The following CD247 variants were observed in gnomAD, a reference collection of about 807,000 sequenced individuals.
CD247 encodes CD247 molecule, also known as T-cell surface glycoprotein CD3 zeta chain.
In CD247, 13 loss-of-function variants were observed where a neutral mutation model predicts 30.0. The ratio of observed to expected loss-of-function variants is 0.43; its 90% CI spans 0.28 to 0.69. The LOEUF (loss-of-function observed/expected upper bound fraction) is 0.69, where lower values mean the gene tolerates loss of function less well. CD247 is among the 30% of genes least tolerant of loss of function. The pLI is 0.16. For synonymous variants in CD247, 72 were observed against 80.0 expected (o/e 0.90, Z 0.53); for missense variants, 193 against 212.6 (o/e 0.91, Z 0.57).
At chr1:167,455,654 C>G (rs1256067416) in intron 1 of CD247, among the ~76,000 whole-genome samples, 3 of 152,230 alleles carry the variant, frequency 2.0e-5, no homozygotes, top group Non-Finnish European at 2.9e-5. Context: ...ATCTGAGCTG[C>G]TCACACGCTG....
Position 167,431,300 on chromosome 1 carries a change from CA to C in CD247, c.*380del, listed in dbSNP as rs1651254430. On this transcript the variant is annotated 3_prime_UTR_variant, in exon 8 of 8. Coordinates refer to ENST00000362089, the MANE Select transcript of CD247 (RefSeq NM_198053.3). ...GAAGCCACTCAGACACAGAGTGATA[CA>C]GACATTAGGGCATGTGCTAGCATCT... is the stretch of plus-strand genomic sequence containing the variant. 1.7e-6 allele frequency: 1 copy of C among 573,026 alleles called. No individual in the cohort carries two copies. The highest frequency in any genetic ancestry group is 1.9e-5 in the African/African-American group (1 of 53,616). The allele number at this position is 573,026 out of a possible 1,614,324, so 35.5% of individuals were successfully genotyped here. A position where few individuals can be genotyped will look rare whatever the true frequency, so the allele number is the denominator to read the frequency against.
chr1:167,511,778 C>T (rs767437794), intron 1 of CD247, among the ~76,000 whole-genome samples: 15 of 151,996 alleles, frequency 9.9e-5, no homozygotes, highest in Non-Finnish European at 1.9e-4. Context: ...AGACCCTGTA[C>T]GAGGGCCCCG....
At chr1:167,435,670 C>T (rs566983128) in intron 4 of CD247, among the ~76,000 whole-genome samples, 75 of 152,378 alleles carry the variant, frequency 4.9e-4, no homozygotes, top group African/African-American at 1.8e-3. Flanking sequence ...CAGAGGGGCC[C>T]ACCCAAGCCC....
At chr1:167,464,619 C>G (rs1327585702) in intron 1 of CD247, among the ~76,000 whole-genome samples, 1 of 152,178 alleles carries the variant, frequency 6.6e-6, no homozygotes, top group Non-Finnish European at 1.5e-5. Context: ...CTATTTTTAT[C>G]TTTCTCAGCC....
intron 1 of CD247, among the ~76,000 whole-genome samples, chr1:167,483,209 T>C (rs908902892): frequency 6.6e-6 from 1 of 152,030 alleles, no homozygotes; most frequent in Admixed American, 6.6e-5. Flanking sequence ...GGTTTCTCCA[T>C]GTTGTTCAGG....
chr1:167,441,142 C>T lies in CD247; in HGVS notation c.59-375G>A, dbSNP rs540393589. On this transcript the variant is annotated intron_variant, in intron 1 of 7. Transcript: ENST00000362089. ...TCTGGAAGCCTCGGGAAGATGTTCACGTCTGGATGAATGGTACTCCTGGCC... is the reference window on the plus strand; with the variant it reads ...TCTGGAAGCCTCGGGAAGATGTTCATGTCTGGATGAATGGTACTCCTGGCC... Among the ~76,000 whole-genome samples the T allele has an allele frequency of 1.2e-4, 19 of 152,310 alleles. No homozygotes were observed. The South Asian group carries it at 3.9e-3, about 32-fold the overall frequency.
intron 1 of CD247, among the ~76,000 whole-genome samples, chr1:167,500,637 A>G (rs1654860815): frequency 2.0e-5 from 3 of 152,184 alleles, no homozygotes; most frequent in Non-Finnish European, 1.5e-5. Flanking sequence ...TTTGAGGACA[A>G]ATGAGCTACG....
chr1:167,493,921 C>CA (rs992630944), intron 1 of CD247, among the ~76,000 whole-genome samples: 1 of 152,150 alleles, frequency 6.6e-6, no homozygotes, highest in African/African-American at 2.4e-5. Context: ...ACAGAATCAG[C>CA]AAAAACCCCA....
At chr1:167,463,695 G>T (rs1653121408) in intron 1 of CD247, among the ~76,000 whole-genome samples, 1 of 152,032 alleles carries the variant, frequency 6.6e-6, no homozygotes, top group Non-Finnish European at 1.5e-5. Context: ...GAACATTCAA[G>T]AAAAAAGACC....
At chr1:167,434,569 G>C (rs1325191112) in intron 5 of CD247, 3 of 359,694 alleles carry the variant, frequency 8.3e-6, no homozygotes, top group Non-Finnish European at 1.6e-5. Flanking sequence ...TCAGGGTTCA[G>C]GGTCACACCC....
chr1:167,496,092 T>C (rs1309932345), intron 1 of CD247, among the ~76,000 whole-genome samples: 2 of 152,264 alleles, frequency 1.3e-5, no homozygotes, highest in African/African-American at 4.8e-5. Context: ...ACCTAGACTG[T>C]TCCTGCTACA....
chr1:167,441,489 C>A (rs1651829435), intron 1 of CD247, among the ~76,000 whole-genome samples: 2 of 152,182 alleles, frequency 1.3e-5, no homozygotes, highest in African/African-American at 4.8e-5. Flanking sequence ...TCCCCTCCTC[C>A]CACTACACAC....
intron 1 of CD247, among the ~76,000 whole-genome samples, chr1:167,478,344 A>T (rs1653838005): frequency 6.6e-6 from 1 of 152,266 alleles, no homozygotes; most frequent in African/African-American, 2.4e-5. Flanking sequence ...AGTACCTAAC[A>T]TGGCAAAGGG....
chr1:167,432,935 G>T (rs554734564), intron 7 of CD247, 89 bp downstream of exon 7: 12 of 1,432,772 alleles, frequency 8.4e-6, no homozygotes, highest in Non-Finnish European at 1.2e-5. Flanking sequence ...GCAAGAGCTG[G>T]TGCCACCAGC....
At chr1:167,443,694 A>T (rs772577144) in intron 1 of CD247, among the ~76,000 whole-genome samples, 4 of 152,218 alleles carry the variant, frequency 2.6e-5, no homozygotes, top group Non-Finnish European at 4.4e-5. Flanking sequence ...TGTCCCTGAG[A>T]TAAATAATAT....
chr1:167,451,885 T>A (rs1039589777), intron 1 of CD247, among the ~76,000 whole-genome samples: 1 of 151,976 alleles, frequency 6.6e-6, no homozygotes, highest in Non-Finnish European at 1.5e-5. Context: ...GGTGGGTAGA[T>A]AACCTGAGGT....
At chr1:167,479,441 C>T (rs187883632) in intron 1 of CD247, among the ~76,000 whole-genome samples, 3 of 152,202 alleles carry the variant, frequency 2.0e-5, no homozygotes, top group African/African-American at 4.8e-5. Flanking sequence ...CTAGTTTCCC[C>T]GACCATGATT....
At chr1:167,444,746 C>A (rs137964794) in intron 1 of CD247, among the ~76,000 whole-genome samples, 162 of 152,254 alleles carry the variant, frequency 1.1e-3, no homozygotes, top group African/African-American at 3.6e-3. Flanking sequence ...TGCAGCCATA[C>A]CCTACAACAA....
intron 1 of CD247, among the ~76,000 whole-genome samples, chr1:167,498,402 A>G (rs1416034131): frequency 6.6e-6 from 1 of 152,238 alleles, no homozygotes; most frequent in African/African-American, 2.4e-5. Flanking sequence ...GCTGAAGATG[A>G]GCACAGGCTT....
Sources: allele counts gnomAD v4.1 joint callset (sites outside exome capture counted in the v4.1 genomes callset), GRCh38; gene constraint gnomAD v4.1.1; transcripts MANE v1.5; gene names NCBI Gene and HGNC (gene_info 2026-07-23, HGNC 2026-07-21).